IZUMO1: variants seen among roughly 807,000 people sequenced by gnomAD.
The protein encoded by IZUMO1 is izumo sperm-oocyte fusion 1.
A neutral mutation model predicts 40.7 loss-of-function variants in IZUMO1; 44 were observed. The ratio of observed to expected loss-of-function variants is 1.08; its 90% CI spans 0.85 to 1.39. The LOEUF is 1.39. Ranked by LOEUF, IZUMO1 falls within the 40% of genes most tolerant of loss-of-function variation. IZUMO1 has a pLI of 0.00. For missense variants in IZUMO1, 368 were observed against 436.9 expected, an observed-to-expected ratio of 0.84 and a Z score of 1.41; for synonymous variants, 149 against 170.9, an observed-to-expected ratio of 0.87 and a Z score of 1.00.
rs1310094680 is a variant in IZUMO1 at position 48,741,231 on chromosome 19, C to T, written c.932+70G>A. 1.3e-6 allele frequency: 2 copies of T among 1,484,164 alleles called. No homozygotes were observed. The highest frequency in any genetic ancestry group is 1.8e-6 in the Non-Finnish European group (2 of 1,114,418). 91.9% of individuals were successfully genotyped at this position (1,484,164 alleles called of 1,614,324 possible). On this transcript the variant is annotated intron_variant, in intron 9 of 9. Transcript: ENST00000332955. This position sits in a 1 kb window ranked among gnomAD's most constrained non-coding sequence, Gnocchi z 4.4. ...GCCTCAGTAGCCCCCAGACCAGCTT[C>T]TGTGTTGGGTTCCTGGAAGCCCCGC...
intron 6 of IZUMO1, 95 bp downstream of exon 6, chr19:48,743,350 G>T: frequency 3.4e-6 from 4 of 1,159,618 alleles, no homozygotes; most frequent in South Asian, 1.3e-5. Flanking sequence ...CTTGTCTACT[G>T]CCCCCACACC....
At chr19:48,745,339 C>T in intron 2 of IZUMO1, 51 bp from the exon 3 acceptor site, 1 of 1,523,200 alleles carries the variant, frequency 6.6e-7, no homozygotes, top group East Asian at 2.3e-5. Flanking sequence ...CTCATTGGCG[C>T]GCCTAATCTT....
intron 6 of IZUMO1, 77 bp downstream of exon 6, chr19:48,743,368 A>G (rs768019098): frequency 2.1e-6 from 3 of 1,402,714 alleles, no homozygotes; most frequent in South Asian, 2.4e-5. Context: ...ACCCCCATCT[A>G]GGCTCTCTCT....
In IZUMO1 at chr19:48,745,729, T is replaced by C. The variant is rs748592828; in HGVS notation, c.131A>G (p.His44Arg). ...KSLEKDYLPG[H>R]LDAKHHKAMM... ...GGCTTTGTGATGCTTCGCATCCAGG[T>C]GGCCAGGCAGGTAATCTTTCTCCAG... is the stretch of plus-strand genomic sequence containing the variant. The change falls in exon 2 of 10, where the codon CAC becomes CGC. Residue 44 changes from histidine (H) to arginine (R), a missense_variant. His to Arg is a conservative substitution (Grantham distance 29). Transcript: ENST00000332955. The C allele has an allele frequency of 6.2e-7, 1 of 1,614,174 alleles. No individual in the cohort carries two copies. The highest frequency in any genetic ancestry group is 1.1e-5 in the South Asian group (1 of 91,078).
At position 48,743,254 on chromosome 19, in the gene IZUMO1, C is replaced by G. The variant is rs2122516748; in HGVS notation, c.499+191G>C. On this transcript the variant is annotated intron_variant, in intron 6 of 9. Transcript: ENST00000332955. ...TGTTGCCCAGGCTGGTCTCAAACTC[C>G]TGGCTTCCCAATCCTCCCGTCTCAG... is the stretch of plus-strand genomic sequence containing the variant. The G allele has an allele frequency of 6.7e-6, 4 of 595,594 alleles. No individual in the cohort carries two copies. The East Asian group carries it at 1.1e-4, about 17-fold the overall frequency. The allele number at this position is 595,594 out of a possible 1,614,324, so 36.9% of individuals were successfully genotyped here. A position where few individuals can be genotyped will look rare whatever the true frequency, so the allele number is the denominator to read the frequency against.
intron 1 of IZUMO1, 47 bp from the exon 2 acceptor site, chr19:48,745,979 C>A: frequency 2.0e-6 from 3 of 1,501,880 alleles, no homozygotes; most frequent in Non-Finnish European, 2.7e-6. Flanking sequence ...CCCACTGGGC[C>A]GCCTATCCAT....
Position 48,741,980 on chromosome 19 carries a change from A to G in IZUMO1, c.601-38T>C, listed in dbSNP as rs747520257. On this transcript the variant is annotated intron_variant, in intron 7 of 9. Coordinates refer to ENST00000332955, the MANE Select transcript of IZUMO1 (RefSeq NM_182575.3). The surrounding 1 kb of genome is among the most constrained non-coding windows in gnomAD (Gnocchi z 4.4). ...TCAAGGGGTCACTGAGGCCTGAGGA[A>G]TTCAGGGGTTGGGGGAGTACAGGGG... The G allele has an allele frequency of 2.1e-5, 32 of 1,560,230 alleles. No individual in the cohort carries two copies. Among genetic ancestry groups the G allele is most frequent in the Non-Finnish European group, 2.5e-5 (29 of 1,148,534 alleles).
chr19:48,745,630 A>T lies in IZUMO1; in HGVS notation c.230T>A (p.Val77Asp). The T allele has an allele frequency of 6.2e-7, 1 of 1,612,742 alleles. No individual in the cohort carries two copies. Among genetic ancestry groups the T allele is most frequent in the Admixed American group, 1.7e-5 (1 of 59,880 alleles). The stretch of plus-strand genomic sequence containing the variant: ...GTGGTCCCCCCTGCCCTCACCAACG[A>T]CCCCCATATAGGCATCCTCATTAAG... ...LSLNEDAYMG[V>D]VDEATLQKGS... is the part of the protein sequence containing the mutation. Residue 77 changes from valine to aspartate, a missense_variant, in exon 2 of 10, where the codon GTC becomes GAC. Transcript: ENST00000332955.
chr19:48,745,997 G>A (rs1389305433), intron 1 of IZUMO1, 65 bp from the exon 2 acceptor site: 2 of 1,464,148 alleles, frequency 1.4e-6, no homozygotes, highest in South Asian at 1.4e-5. Flanking sequence ...CATGGGGTCC[G>A]CAAACCTCGA....
chr19:48,745,077 C>G lies in IZUMO1; in HGVS notation c.310+137G>C, dbSNP rs529390352. On this transcript the variant is annotated intron_variant, in intron 3 of 9. Coordinates refer to ENST00000332955, the MANE Select transcript of IZUMO1 (RefSeq NM_182575.3). ...TCAAAGTCCTTTGCTCAAGGCCGTA[C>G]AGCTAGGAAGTGGCAGAGCAGGCAT... The G allele has an allele frequency of 1.8e-5, 13 of 713,272 alleles. No individual in the cohort carries two copies. The East Asian group carries it at 3.4e-4, about 18-fold the overall frequency. 44.2% of individuals were successfully genotyped at this position (713,272 alleles called of 1,614,324 possible).
At chr19:48,743,293 G>A (rs1278035695) in intron 6 of IZUMO1, 152 bp downstream of exon 6, 6 of 663,072 alleles carry the variant, frequency 9.0e-6, no homozygotes, top group African/African-American at 3.6e-5. Flanking sequence ...CTCGAAGTGC[G>A]AGACTATAGG....
intron 3 of IZUMO1, among the ~76,000 whole-genome samples, 159 bp from the exon 4 acceptor site, chr19:48,744,698 T>C (rs1309825647): frequency 6.7e-6 from 1 of 149,912 alleles, no homozygotes; most frequent in Non-Finnish European, 1.5e-5. Flanking sequence ...ATGCATATTT[T>C]GGGGGATGGG....
chr19:48,741,641 C>T lies in IZUMO1; in HGVS notation c.754+148G>A. On this transcript the variant is annotated intron_variant, in intron 8 of 9. Coordinates refer to ENST00000332955, the MANE Select transcript of IZUMO1 (RefSeq NM_182575.3). The surrounding 1 kb of genome is among the most constrained non-coding windows in gnomAD (Gnocchi z 4.4). ...AACCCCTGTCCTCGGGGCCAGAGGCCACGCCCCCGGCAGGAAGCCACACCC... is the reference window on the plus strand; with the variant it reads ...AACCCCTGTCCTCGGGGCCAGAGGCTACGCCCCCGGCAGGAAGCCACACCC... 7.9e-7 allele frequency: 1 copy of T among 1,264,774 alleles called. No individual in the cohort carries two copies. 78.3% of individuals were successfully genotyped at this position (1,264,774 alleles called of 1,614,324 possible).
Position 48,745,296 on chromosome 19 carries a change from A to T in IZUMO1, c.236-8T>A. ...TTTGCAGTGTGGCCTCATCTGTCAG[A>T]GGAGATATAACCCCAGATTCCAGCC... On this transcript the variant is annotated splice_region_variant and splice_polypyrimidine_tract_variant and intron_variant, in intron 2 of 9. Transcript: ENST00000332955. 6.2e-7 allele frequency: 1 copy of T among 1,612,730 alleles called. No individual in the cohort carries two copies. Among genetic ancestry groups the T allele is most frequent in the Non-Finnish European group, 8.5e-7 (1 of 1,178,754 alleles).
Position 48,741,671 on chromosome 19 carries a change from C to T in IZUMO1, c.754+118G>A, listed in dbSNP as rs887309356. The T allele has an allele frequency of 2.6e-5, 35 of 1,356,596 alleles. No individual in the cohort carries two copies. The highest frequency in any genetic ancestry group is 3.1e-5 in the Non-Finnish European group (31 of 1,012,606). The allele number at this position is 1,356,596 out of a possible 1,614,324, so 84.0% of individuals were successfully genotyped here. ...CCCCGGCAGGAAGCCACACCCCGTG[C>T]CCCGAAACCACACCCAACAGGAAGT... On this transcript the variant is annotated intron_variant, in intron 8 of 9. Transcript: ENST00000332955. The surrounding 1 kb of genome is among the most constrained non-coding windows in gnomAD (Gnocchi z 4.4).
Position 48,741,962 on chromosome 19 carries a change from G to C in IZUMO1, c.601-20C>G. ...CCAAACCTAGACCCAAGCTCAAGGGGTCACTGAGGCCTGAGGAATTCAGGG... is the reference window on the plus strand; with the variant it reads ...CCAAACCTAGACCCAAGCTCAAGGGCTCACTGAGGCCTGAGGAATTCAGGG... On this transcript the variant is annotated intron_variant, in intron 7 of 9. Coordinates refer to ENST00000332955, the MANE Select transcript of IZUMO1 (RefSeq NM_182575.3). The surrounding 1 kb of genome is among the most constrained non-coding windows in gnomAD (Gnocchi z 4.4). 1 of 1,577,232 alleles carries C rather than the reference G, an allele frequency of 6.3e-7. No homozygotes were observed. The highest frequency in any genetic ancestry group is 8.6e-7 in the Non-Finnish European group (1 of 1,157,432).
At position 48,741,368 on chromosome 19, in the gene IZUMO1, G is replaced by C; in HGVS notation, c.865C>G (p.Leu289Val). ...AGCAGCCCCAGAAGGCGGCTTGCCA[G>C]CATTTTCTCGGGCTGCAGAGGCTGG... ...SLQPLQPEKM[L>V]ASRLLGLLIC... Residue 289 changes from leucine (L) to valine (V), a missense_variant, in exon 9 of 10, where the codon CTG becomes GTG. Physicochemically the swap from Leu to Val is conservative, Grantham distance 32. Coordinates refer to ENST00000332955, the MANE Select transcript of IZUMO1 (RefSeq NM_182575.3). This position sits in a 1 kb window ranked among gnomAD's most constrained non-coding sequence, Gnocchi z 4.4. 6.2e-7 allele frequency: 1 copy of C among 1,612,956 alleles called. No individual in the cohort carries two copies.
chr19:48,744,521 T>C lies in IZUMO1; in HGVS notation c.329A>G (p.Glu110Gly). Reference protein sequence around the residue: ...SDVKGDLFVKELFWMLHLQKE... With the variant: ...SDVKGDLFVKGLFWMLHLQKE... ...TTGCAAGTGCAACATCCAAAATAGC[T>C]CCTTCACGAAGAGATCGCCTGGGAA... The change falls in exon 4 of 10, where the codon GAG becomes GGG. Residue 110 changes from glutamate to glycine, a missense_variant. Glu to Gly is a moderately conservative substitution (Grantham distance 98). Transcript: ENST00000332955. 1 of 1,613,612 alleles carries C rather than the reference T, an allele frequency of 6.2e-7. No individual in the cohort carries two copies. The highest frequency in any genetic ancestry group is 8.5e-7 in the Non-Finnish European group (1 of 1,179,570).
At chr19:48,746,145 A>C in intron 1 of IZUMO1, 1 of 1,275,042 alleles carries the variant, frequency 7.8e-7, no homozygotes, top group Non-Finnish European at 1.0e-6. Flanking sequence ...GAGAGATCAG[A>C]AAAACTATTA....
Sources: gnomAD v4.1 joint callset for allele counts (sites outside exome capture counted in the v4.1 genomes callset) on GRCh38, gnomAD v4.1.1 for gene constraint, Gnocchi (gnomAD v3.1) non-coding constraint, MANE v1.5 for transcripts, NCBI Gene and HGNC (gene_info 2026-07-23, HGNC 2026-07-21) for gene names.